MDN1: variants seen among roughly 807,000 people sequenced by gnomAD.
MDN1 encodes midasin AAA ATPase 1, also known as midasin.
MDN1 carries 266 observed loss-of-function variants against 669.2 expected under a neutral mutation model. The observed-to-expected ratio is 0.40, with a 90% confidence interval of 0.36 to 0.44. The LOEUF is 0.44. Among genes scored for constraint, MDN1 ranks in the 20% least tolerant of loss-of-function variants. The probability of loss-of-function intolerance (pLI) is 1.00; values close to 1 mark genes in which losing one functional copy is unlikely to be tolerated. For synonymous variants in MDN1, 2,385 were observed against 2,457.1 expected, an observed-to-expected ratio of 0.97 and a Z score of 0.87; for missense variants, 5,940 against 6,754.0, an observed-to-expected ratio of 0.88 and a Z score of 4.22.
intron 57 of MDN1, 97 bp downstream of exon 57, chr6:89,699,966 T>A: frequency 8.1e-7 from 1 of 1,232,740 alleles, no homozygotes; most frequent in Non-Finnish European, 1.1e-6. Flanking sequence ...TCGGTAACCA[T>A]CCCTATCAAG....
chr6:89,722,719 T>A (rs183782574), intron 40 of MDN1, among the ~76,000 whole-genome samples: 1 of 152,126 alleles, frequency 6.6e-6, no homozygotes, highest in Non-Finnish European at 1.5e-5. Context: ...TGGTGGCTTA[T>A]GCCTGTAATC....
intron 29 of MDN1, among the ~76,000 whole-genome samples, chr6:89,744,213 C>T (rs1584303079): frequency 6.7e-6 from 1 of 150,216 alleles, no homozygotes; most frequent in Admixed American, 6.6e-5. Flanking sequence ...CTCTTCTCTA[C>T]ACACGTATAG....
intron 24 of MDN1, 92 bp from the exon 25 acceptor site, chr6:89,749,843 T>C (rs1320107685): frequency 1.6e-5 from 17 of 1,030,314 alleles, no homozygotes; most frequent in Non-Finnish European, 2.3e-5. Context: ...TAGGTTATCA[T>C]CAAATTTCAA....
At chr6:89,750,591 A>C (rs1353320351) in intron 23 of MDN1, 59 bp from the exon 24 acceptor site, 2 of 1,479,684 alleles carry the variant, frequency 1.4e-6, no homozygotes, top group Non-Finnish European at 1.9e-6. Flanking sequence ...AAGCTGAGAA[A>C]CCAGAACTGA....
rs1435834926 is a variant in MDN1, at chr6:89,680,763, A to G, written c.12103-12T>C. On this transcript the variant is annotated splice_polypyrimidine_tract_variant and intron_variant, in intron 73 of 101. Transcript: ENST00000369393. ...TCTGGAATTGTGGCCTGTGAGACAA[A>G]AGACAGGTTAGCCTCACTGCCAAGA... is the stretch of plus-strand genomic sequence containing the variant. The G allele has an allele frequency of 2.5e-6, 4 of 1,612,384 alleles. No individual in the cohort carries two copies. In the African/African-American group the frequency reaches 5.3e-5, roughly 22 times the overall value.
intron 2 of MDN1, among the ~76,000 whole-genome samples, chr6:89,799,608 G>A (rs1767497540): frequency 6.6e-6 from 1 of 152,154 alleles, no homozygotes; most frequent in South Asian, 2.1e-4. Context: ...ACTTGAACCT[G>A]GGAGGCAGAA....
At position 89,745,756 on chromosome 6, in the gene MDN1, G is replaced by C. The variant is rs1042780463; in HGVS notation, c.3905-130C>G. 9.1e-6 allele frequency: 8 copies of C among 875,264 alleles called. No homozygotes were observed. The African/African-American group carries it at 1.4e-4, about 15-fold the overall frequency. 54.2% of individuals were successfully genotyped at this position (875,264 alleles called of 1,614,324 possible). On this transcript the variant is annotated intron_variant, in intron 27 of 101. Transcript: ENST00000369393. ...GGTGAGGTAGAAATCTGAAGAACTA[G>C]GACAGCCTATTACAATTAACCATAT...
chr6:89,694,101 A>G lies in MDN1; in HGVS notation c.9854T>C (p.Val3285Ala), dbSNP rs753973490. The part of the protein sequence containing the change: ...QTGRDLEDEV[V>A]VSYSHPHVRL... The stretch of plus-strand genomic sequence containing the variant: ...GACGTGAGGATGAGAGTAGCTGACA[A>G]CGACTTCATCTTCCAGGTCTCTTCC... Residue 3285 changes from valine (V) to alanine (A), a missense_variant, in exon 62 of 102, where the codon GTT becomes GCT. Around this residue, in one of 5 missense-constraint regions of MDN1, gnomAD observed 2,292 missense variants for 2,638.3 expected, o/e 0.87. Coordinates refer to ENST00000369393, the MANE Select transcript of MDN1 (RefSeq NM_014611.3). The G allele has an allele frequency of 6.2e-7, 1 of 1,614,172 alleles. No homozygotes were observed. Among genetic ancestry groups the G allele is most frequent in the Non-Finnish European group, 8.5e-7 (1 of 1,180,020 alleles).
Position 89,780,368 on chromosome 6 carries a change from T to C in MDN1, c.1644-75A>G, listed in dbSNP as rs1215072354. 6 of 889,350 alleles carry C rather than the reference T, an allele frequency of 6.7e-6. No individual in the cohort carries two copies. In the South Asian group the frequency reaches 7.9e-5, roughly 12 times the overall value. The allele number at this position is 889,350 out of a possible 1,614,324, so 55.1% of individuals were successfully genotyped here. ...AAGACATCAAAGGCATCAGAATTTATTGACCCACTTAAGTCTGGGCATACC... is the reference window on the plus strand; with the variant it reads ...AAGACATCAAAGGCATCAGAATTTACTGACCCACTTAAGTCTGGGCATACC... On this transcript the variant is annotated intron_variant, in intron 10 of 101. Transcript: ENST00000369393.
chr6:89,819,384 G>A (rs1171012550), intron 1 of MDN1, 122 bp downstream of exon 1: 2 of 931,402 alleles, frequency 2.1e-6, no homozygotes, highest in African/African-American at 3.2e-5. Context: ...GAGGGGGCCA[G>A]CTTGACCTGA....
rs754468370 is a variant in MDN1, at chr6:89,695,954, C to T, written c.9422G>A (p.Arg3141Gln). ...DSQLQGQVLF[R>Q]HLAGLAELLP... ...CAGCTCTGCTAGGCCTGCCAGGTGC[C>T]GGAACAGCACCTGCCCCTGGAGTTG... Residue 3141 changes from arginine (R) to glutamine (Q), a missense_variant, in exon 61 of 102, where the codon CGG (arginine) becomes CAG (glutamine). Transcript: ENST00000369393. The surrounding 1 kb of genome is among the most constrained non-coding windows in gnomAD (Gnocchi z 4.1). 134 of 1,610,876 alleles carry T rather than the reference C, an allele frequency of 8.3e-5. No homozygotes were observed. Among genetic ancestry groups the T allele is most frequent in the Middle Eastern group, 1.9e-4 (1 of 5,272 alleles).
In MDN1 at chr6:89,668,095, C is replaced by T. The variant is rs1246645359; in HGVS notation, c.14013G>A (p.Glu4671=). 2 of 1,614,000 alleles carry T rather than the reference C, an allele frequency of 1.2e-6. No homozygotes were observed. The highest frequency in any genetic ancestry group is 4.5e-5 in the East Asian group (2 of 44,890). The part of the protein sequence containing the change: ...MEDSAGEGAT[E]FHDYEGGGIG... ...TTCCACCTCCCTCATAGTCATGGAA[C>T]TCAGTTGCTCCCTCTCCAGCTGAAT... Residue 4671 remains glutamate (E), a synonymous_variant, in exon 84 of 102, where the codon GAG becomes GAA. Transcript: ENST00000369393.
intron 90 of MDN1, 74 bp downstream of exon 90, chr6:89,658,130 TACACA>T: frequency 6.5e-7 from 1 of 1,547,040 alleles, no homozygotes; most frequent in Non-Finnish European, 8.8e-7. Context: ...CAACTAATGC[TACACA>T]GAATGTGATG....
At chr6:89,705,747 A>T (rs1488843189) in intron 53 of MDN1, among the ~76,000 whole-genome samples, 1 of 152,220 alleles carries the variant, frequency 6.6e-6, no homozygotes, top group Non-Finnish European at 1.5e-5. Flanking sequence ...GGAAAGAAGA[A>T]AATACAAAAA....
At chr6:89,670,328 C>T (rs932578489) in intron 83 of MDN1, among the ~76,000 whole-genome samples, 1 of 150,742 alleles carries the variant, frequency 6.6e-6, no homozygotes, top group Non-Finnish European at 1.5e-5. Context: ...GCACATGCCA[C>T]CACGCCCAGC....
At position 89,700,805 on chromosome 6, in the gene MDN1, G is replaced by A. The variant is rs1813103424; in HGVS notation, c.8479C>T (p.Leu2827Phe). The A allele has an allele frequency of 1.2e-6, 2 of 1,614,166 alleles. No homozygotes were observed. Among genetic ancestry groups the A allele is most frequent in the Admixed American group, 1.7e-5 (1 of 60,022 alleles). ...FSQLKVLNKVLAIREQMSALG... is the reference protein window; with the variant it reads ...FSQLKVLNKVFAIREQMSALG... ...GCAGACATCTGCTCCCTGATGGCAA[G>A]GACTTTGTTAAGGACCTTCAGTTGT... The change falls in exon 56 of 102, where the codon CTT (leucine) becomes TTT (phenylalanine). Residue 2827 changes from leucine to phenylalanine, a missense_variant. By Grantham distance (22) the Leu-to-Phe change is conservative. Transcript: ENST00000369393.
At position 89,780,311 on chromosome 6, in the gene MDN1, A is replaced by AAAAGAAAAAAC; in HGVS notation, c.1644-29_1644-19dup. The AAAAGAAAAAAC allele has an allele frequency of 6.6e-7, 1 of 1,521,848 alleles. No individual in the cohort carries two copies. The highest frequency in any genetic ancestry group is 8.9e-7 in the Non-Finnish European group (1 of 1,128,272). The allele number at this position is 1,521,848 out of a possible 1,614,324, so 94.3% of individuals were successfully genotyped here. On this transcript the variant is annotated intron_variant, in intron 10 of 101. Transcript: ENST00000369393. Reference sequence around the variant, plus strand: ...GCAGATCCCTTTAAAAAAAAGAAAGAAAAGAAAAAACAAAGAAAAGACCAC... The same window carrying AAAAGAAAAAAC: ...GCAGATCCCTTTAAAAAAAAGAAAGAAAAGAAAAAACAAAGAAAAAACAAAGAAAAGACCAC...
intron 22 of MDN1, among the ~76,000 whole-genome samples, chr6:89,753,046 C>T (rs1416458644): frequency 6.6e-6 from 1 of 151,840 alleles, no homozygotes; most frequent in Non-Finnish European, 1.5e-5. Flanking sequence ...TCACTTCAGC[C>T]ACGGAAGGGG....
At chr6:89,788,688 T>C (rs1584373356) in intron 7 of MDN1, among the ~76,000 whole-genome samples, 1 of 152,184 alleles carries the variant, frequency 6.6e-6, no homozygotes, top group East Asian at 1.9e-4. Context: ...TTTTTTATTT[T>C]AGAAAATCAA....
Sources: allele counts gnomAD v4.1 joint callset (sites outside exome capture counted in the v4.1 genomes callset), GRCh38; gene constraint gnomAD v4.1.1; regional missense constraint gnomAD v4.1.1; non-coding constraint Gnocchi (gnomAD v3.1); transcripts MANE v1.5; gene names NCBI Gene and HGNC (gene_info 2026-07-23, HGNC 2026-07-21).